The following CNTNAP5 variants were observed in gnomAD, a reference collection of about 807,000 sequenced individuals.
CNTNAP5 encodes contactin associated protein family member 5.
A neutral mutation model predicts 150.2 loss-of-function variants in CNTNAP5; 72 were observed. The ratio of observed to expected loss-of-function variants is 0.48; its 90% confidence interval spans 0.40 to 0.58. CNTNAP5 has a LOEUF of 0.58. Ranked by LOEUF, CNTNAP5 falls within the 20% of genes least tolerant of loss-of-function variation. The probability of loss-of-function intolerance (pLI) is 0.00; values close to 1 mark genes in which losing one functional copy is unlikely to be tolerated. For missense variants in CNTNAP5, 1,636 were observed against 1,626.2 expected, an observed-to-expected ratio of 1.01 and a Z score of -0.10; for synonymous variants, 672 against 619.8, an observed-to-expected ratio of 1.08 and a Z score of -1.25.
chr2:124,126,901 G>A (rs1274833677), intron 1 of CNTNAP5, among the ~76,000 whole-genome samples: 1 of 152,014 alleles, frequency 6.6e-6, no homozygotes, highest in Non-Finnish European at 1.5e-5. Context: ...GTATTGATGG[G>A]ACGTATCTCA....
At chr2:124,074,692 G>C (rs1047654788) in intron 1 of CNTNAP5, among the ~76,000 whole-genome samples, 6 of 152,072 alleles carry the variant, frequency 3.9e-5, no homozygotes, top group Middle Eastern at 3.2e-3. Context: ...TTTCTGAGTG[G>C]AGAATGTGGA....
chr2:124,036,688 C>T (rs905336909), intron 1 of CNTNAP5, among the ~76,000 whole-genome samples: 1 of 152,118 alleles, frequency 6.6e-6, no homozygotes, highest in Non-Finnish European at 1.5e-5. Context: ...TCTTTCTCGG[C>T]AGGGTTTCAA....
intron 19 of CNTNAP5, among the ~76,000 whole-genome samples, chr2:124,810,076 G>A (rs1478102459): frequency 1.3e-5 from 2 of 152,202 alleles, no homozygotes; most frequent in African/African-American, 2.4e-5. Context: ...CAAATTATCA[G>A]TCATGTGTAA....
At chr2:124,613,223 G>A (rs1677422384) in intron 12 of CNTNAP5, among the ~76,000 whole-genome samples, 1 of 152,164 alleles carries the variant, frequency 6.6e-6, no homozygotes, top group Non-Finnish European at 1.5e-5. Context: ...GTTAAAACAT[G>A]AGTGACTTAT....
At chr2:124,026,979 T>C (rs1435098265) in intron 1 of CNTNAP5, among the ~76,000 whole-genome samples, 1 of 152,192 alleles carries the variant, frequency 6.6e-6, no homozygotes, top group Non-Finnish European at 1.5e-5. Context: ...AGTGTTTCTG[T>C]CTGTGGTCGG....
chr2:124,064,991 T>A (rs1456469025), intron 1 of CNTNAP5, among the ~76,000 whole-genome samples: 1 of 152,198 alleles, frequency 6.6e-6, no homozygotes, highest in Non-Finnish European at 1.5e-5. Context: ...TCTAGTATAA[T>A]TATTTGTTGG....
intron 1 of CNTNAP5, among the ~76,000 whole-genome samples, chr2:124,108,776 G>C (rs1683225920): frequency 1.3e-5 from 2 of 152,190 alleles, no homozygotes; most frequent in Admixed American, 1.3e-4. Context: ...CACTTGTCCA[G>C]TACAGATATA....
chr2:124,666,461 T>A (rs1240387909), intron 13 of CNTNAP5, among the ~76,000 whole-genome samples: 2 of 151,728 alleles, frequency 1.3e-5, no homozygotes, highest in East Asian at 3.9e-4. Context: ...TCACAAAGAG[T>A]TTGTTTTGTT....
At chr2:124,599,016 C>CT (rs1696910262) in intron 11 of CNTNAP5, among the ~76,000 whole-genome samples, 1 of 152,096 alleles carries the variant, frequency 6.6e-6, no homozygotes, top group Non-Finnish European at 1.5e-5. Context: ...GCACGGTGCG[C>CT]ACACCCACTG....
rs369801109 is a variant in CNTNAP5 at position 124,242,303 on chromosome 2, C to T, written c.291C>T (p.Tyr97=). Residue 97 remains tyrosine, a synonymous_variant, in exon 3 of 24, where the codon TAC becomes TAT. Transcript: ENST00000682447. ...EITAVATQGR[Y]GSSDWVTSYS... The stretch of plus-strand genomic sequence containing the variant: ...CAGCAGTGGCCACGCAGGGAAGATA[C>T]GGAAGCTCTGACTGGGTGACGAGTT... 2.1e-4 allele frequency: 331 copies of T among 1,612,630 alleles called. 1 individual carries two copies. The Middle Eastern group carries it at 4.9e-3, about 24-fold the overall frequency.
intron 19 of CNTNAP5, among the ~76,000 whole-genome samples, chr2:124,799,169 C>T (rs965097408): frequency 4.6e-5 from 7 of 152,112 alleles, no homozygotes; most frequent in Admixed American, 4.6e-4. Context: ...CTAAATTGCC[C>T]ATTATTAATT....
intron 3 of CNTNAP5, among the ~76,000 whole-genome samples, chr2:124,299,899 C>T (rs778552664): frequency 1.3e-4 from 20 of 152,230 alleles, no homozygotes; most frequent in Middle Eastern, 3.4e-3. Context: ...GATGTGTTAC[C>T]CTAGCTTTTA....
chr2:124,640,855 G>A (rs1678076511), intron 12 of CNTNAP5, among the ~76,000 whole-genome samples: 1 of 152,004 alleles, frequency 6.6e-6, no homozygotes, highest in Non-Finnish European at 1.5e-5. Context: ...GGCTGGGCCC[G>A]GTGGCTCACG....
chr2:124,342,583 G>A (rs1156337257), intron 3 of CNTNAP5, among the ~76,000 whole-genome samples: 1 of 152,096 alleles, frequency 6.6e-6, no homozygotes, highest in Non-Finnish European at 1.5e-5. Flanking sequence ...TTCCAATTGT[G>A]CCTTATTAGA....
chr2:124,890,553 G>C (rs1182425154), intron 21 of CNTNAP5, among the ~76,000 whole-genome samples: 1 of 152,020 alleles, frequency 6.6e-6, no homozygotes, highest in Non-Finnish European at 1.5e-5. Context: ...TGCCTGCCTT[G>C]GTATCTGCTT....
intron 1 of CNTNAP5, among the ~76,000 whole-genome samples, chr2:124,150,217 T>C (rs569343009): frequency 1.1e-4 from 17 of 152,326 alleles, no homozygotes; most frequent in Admixed American, 8.5e-4. Flanking sequence ...TTAGATTTGT[T>C]TGCCCTACTA....
rs548840467 is a variant in CNTNAP5, at chr2:124,727,544, A to G, written c.2078-19685A>G. Among the ~76,000 whole-genome samples, 26 of 152,040 alleles carry G rather than the reference A, an allele frequency of 1.7e-4. 1 individual carries two copies. The South Asian group carries it at 5.4e-3, about 32-fold the overall frequency. ...ACAGGTCTTACGCTTCCATGGTTAC[A>G]TTTATTTCTAAGTAAATTCATTCAT... On this transcript the variant is annotated intron_variant, in intron 13 of 23. Transcript: ENST00000682447.
intron 3 of CNTNAP5, among the ~76,000 whole-genome samples, chr2:124,363,749 T>C (rs982790769): frequency 3.3e-5 from 5 of 152,204 alleles, no homozygotes; most frequent in African/African-American, 1.2e-4. Flanking sequence ...CCTTCGGAAG[T>C]AGGTGGATAT....
chr2:124,896,714 T>A (rs956252930), intron 21 of CNTNAP5, among the ~76,000 whole-genome samples: 1 of 151,426 alleles, frequency 6.6e-6, no homozygotes, highest in African/African-American at 2.5e-5. Context: ...AATTTCTGTA[T>A]TTTTAGTAGA....
Sources: gnomAD v4.1 joint callset for allele counts (sites outside exome capture counted in the v4.1 genomes callset) on GRCh38, gnomAD v4.1.1 for gene constraint, MANE v1.5 for transcripts, NCBI Gene and HGNC (gene_info 2026-07-23, HGNC 2026-07-21) for gene names.